Variants in RADX observed in about 807,000 individuals in gnomAD.
RADX encodes the protein RPA-related protein RADX.
RADX carries 36 observed loss-of-function variants against 61.6 expected under a neutral mutation model. The observed-to-expected ratio is 0.58, with a 90% CI of 0.45 to 0.77. The LOEUF (loss-of-function observed/expected upper bound fraction) is 0.77. RADX is among the 30% of genes least tolerant of loss of function. The pLI is 0.00. For missense variants in RADX, 497 were observed against 651.1 expected, an observed-to-expected ratio of 0.76 and a Z score of 2.58; for synonymous variants, 272 against 237.9, an observed-to-expected ratio of 1.14 and a Z score of -1.32.
chrX:106,629,252 A>T (rs1055303661), intron 3 of RADX, among the ~76,000 whole-genome samples: 3 of 111,581 alleles, frequency 2.7e-5, no homozygotes, highest in Non-Finnish European at 1.9e-5. Context: ...AGGGACCTTG[A>T]ATATAATTAA....
chrX:106,617,341 A>G (rs756232901), intron 1 of RADX, among the ~76,000 whole-genome samples: 1 of 110,537 alleles, frequency 9.0e-6, no homozygotes, highest in African/African-American at 3.3e-5. Context: ...TTGCTTCTTT[A>G]ATCTCTGAAA....
At chrX:106,656,258 C>T (rs767880963) in intron 11 of RADX, among the ~76,000 whole-genome samples, 16 of 112,065 alleles carry the variant, frequency 1.4e-4, no homozygotes, top group African/African-American at 4.9e-4. Context: ...TTAGTAACAT[C>T]TTCAGACTCC....
chrX:106,636,072 GAGTT>G (rs1471120009), intron 6 of RADX, among the ~76,000 whole-genome samples: 1 of 111,991 alleles, frequency 8.9e-6, no homozygotes, highest in Non-Finnish European at 1.9e-5. Context: ...CTGGTGGAAG[GAGTT>G]AGAGTAATTC....
intron 10 of RADX, among the ~76,000 whole-genome samples, chrX:106,643,683 G>C: frequency 9.0e-6 from 1 of 111,171 alleles, no homozygotes; most frequent in South Asian, 3.7e-4. Flanking sequence ...TGATCGTATG[G>C]TTTTGATCCT....
intron 12 of RADX, among the ~76,000 whole-genome samples, chrX:106,663,118 G>A (rs1472353032): frequency 1.8e-5 from 2 of 111,615 alleles, no homozygotes; most frequent in Non-Finnish European, 3.8e-5. Flanking sequence ...CTTAATGACC[G>A]AATAATGTAG....
intron 8 of RADX, chrX:106,639,226 C>T (rs1450340847): frequency 5.4e-6 from 1 of 185,295 alleles, no homozygotes; most frequent in East Asian, 1.1e-4. Flanking sequence ...ATGTGTTTTT[C>T]TATGCAGTGG....
At chrX:106,638,192 A>T in intron 8 of RADX, 1 of 242,544 alleles carries the variant, frequency 4.1e-6, no homozygotes. Context: ...CACAGATGAT[A>T]ACCAACTGGA....
chrX:106,652,331 AT>A (rs939650278), intron 11 of RADX, among the ~76,000 whole-genome samples: 2 of 110,565 alleles, frequency 1.8e-5, no homozygotes, highest in Non-Finnish European at 3.8e-5. Flanking sequence ...CTCAAAAGAA[AT>A]TTTTTTTAAG....
intron 10 of RADX, 33 bp downstream of exon 10, chrX:106,640,754 T>C: frequency 9.8e-7 from 1 of 1,018,328 alleles, no homozygotes; most frequent in Non-Finnish European, 1.3e-6. Flanking sequence ...ATGTAAAGTA[T>C]ATTTTTTCTT....
chrX:106,635,956 A>G (rs1307568954), intron 6 of RADX, among the ~76,000 whole-genome samples: 1 of 112,226 alleles, frequency 8.9e-6, no homozygotes, highest in Admixed American at 9.5e-5. Context: ...AAATAAACAG[A>G]TGATATAAGC....
intron 13 of RADX, among the ~76,000 whole-genome samples, chrX:106,670,737 C>T (rs1928343614): frequency 1.8e-5 from 2 of 110,448 alleles, no homozygotes; most frequent in Non-Finnish European, 3.8e-5. Flanking sequence ...TAATAAGAAT[C>T]TCACAAAGTG....
At chrX:106,620,279 CA>C (rs966207439) in intron 1 of RADX, among the ~76,000 whole-genome samples, 2 of 110,690 alleles carry the variant, frequency 1.8e-5, no homozygotes, top group East Asian at 2.8e-4. Context: ...AGTCATTTTT[CA>C]AAAAAAATGT....
chrX:106,664,217 GTTT>G (rs370561264), intron 12 of RADX, among the ~76,000 whole-genome samples: 1,924 of 99,998 alleles, frequency 0.019, 36 homozygotes, highest in African/African-American at 0.064. Flanking sequence ...AGGGAGAAGG[GTTT>G]TTTTTTTTTC....
chrX:106,661,927 C>A, intron 11 of RADX, 88 bp from the exon 12 acceptor site: 1 of 795,440 alleles, frequency 1.3e-6, no homozygotes, highest in Non-Finnish European at 1.8e-6. Context: ...AACTCTTCCT[C>A]ATTAATGTGT....
chrX:106,660,765 G>A (rs778320589), intron 11 of RADX, among the ~76,000 whole-genome samples: 17 of 112,113 alleles, frequency 1.5e-4, no homozygotes, highest in African/African-American at 5.2e-4. Flanking sequence ...CATAATAGGT[G>A]TTCTGTAATT....
chrX:106,615,124 A>G (rs1264729475), intron 1 of RADX, among the ~76,000 whole-genome samples: 1 of 111,587 alleles, frequency 9.0e-6, no homozygotes, highest in Admixed American at 9.5e-5. Flanking sequence ...CAGCAACCCA[A>G]ACTCTACCGG....
intron 8 of RADX, 62 bp downstream of exon 8, chrX:106,637,986 A>G (rs1439498992): frequency 1.1e-6 from 1 of 924,821 alleles, no homozygotes; most frequent in South Asian, 2.1e-5. Context: ...GGCTTATGCT[A>G]TTTCAATTAG....
At chrX:106,621,656 G>A (rs778438804) in intron 1 of RADX, among the ~76,000 whole-genome samples, 1 of 111,874 alleles carries the variant, frequency 8.9e-6, no homozygotes, top group East Asian at 2.8e-4. Context: ...AAGATAGTAA[G>A]TGCAATGTAG....
At chrX:106,636,425 A>G (rs762136145) in intron 6 of RADX, 118 bp from the exon 7 acceptor site, 28 of 466,616 alleles carry the variant, frequency 6.0e-5, no homozygotes, top group Admixed American at 4.3e-4. Context: ...GCATTTTAAC[A>G]TTGGTACCAT....
Sources: gnomAD v4.1 joint callset for allele counts (sites outside exome capture counted in the v4.1 genomes callset) on GRCh38, gnomAD v4.1.1 for gene constraint, MANE v1.5 for transcripts, NCBI Gene and HGNC (gene_info 2026-07-23, HGNC 2026-07-21) for gene names.